Variants in ZNF474 observed in about 807,000 individuals in gnomAD.
ZNF474 encodes the protein zinc finger protein 474, also known as 4933409D10Rik.
For synonymous variants in ZNF474, 192 were observed against 162.2 expected, an observed-to-expected ratio of 1.18 and a Z score of -1.39; for missense variants, 511 against 433.8, an observed-to-expected ratio of 1.18 and a Z score of -1.58.
At chr5:122,134,582 A>C (rs1446694110) in intron 1 of ZNF474, among the ~76,000 whole-genome samples, 2 of 152,242 alleles carry the variant, frequency 1.3e-5, no homozygotes, top group African/African-American at 4.8e-5. Flanking sequence ...ACATGGCTGT[A>C]TTTCAATAAA....
At position 122,152,800 on chromosome 5, in the gene ZNF474, G is replaced by T. The variant is rs764546936; in HGVS notation, c.810G>T (p.Pro270=). The T allele has an allele frequency of 3.7e-6, 6 of 1,613,998 alleles. No individual in the cohort carries two copies. Among genetic ancestry groups the T allele is most frequent in the Non-Finnish European group, 5.1e-6 (6 of 1,180,014 alleles). The change falls in exon 2 of 2, where the codon CCG becomes CCT. Residue 270 remains proline, a synonymous_variant. Transcript: ENST00000296600. ...TCCCACAGAAGCCTCAGCCCCTTCC[G>T]AATGCACAGTCCAGCCAAGCGGGAC... is the stretch of plus-strand genomic sequence containing the variant. ...QPLPQKPQPL[P]NAQSSQAGPN... is the part of the protein sequence containing the mutation.
intron 1 of ZNF474, among the ~76,000 whole-genome samples, chr5:122,136,455 G>GC (rs993999274): frequency 2.6e-5 from 4 of 152,124 alleles, no homozygotes; most frequent in African/African-American, 4.8e-5. Flanking sequence ...GTTAGGCAGT[G>GC]CCCCCAGCAC....
In ZNF474 at chr5:122,138,611, C is replaced by T. The variant is rs1461021297; in HGVS notation, c.-213+8928C>T. On this transcript the variant is annotated intron_variant, in intron 1 of 1. Transcript: ENST00000296600. ...AGCCAACAATTGTCCTTATTAGTAC[C>T]ATATGACCTAGTTACAATCCAGCAT... 2.0e-5 allele frequency among the ~76,000 whole-genome samples: 3 copies of T among 152,330 alleles called. No individual in the cohort carries two copies. The South Asian group carries it at 6.2e-4, about 32-fold the overall frequency.
intron 1 of ZNF474, among the ~76,000 whole-genome samples, chr5:122,149,269 A>G (rs1445213308): frequency 6.6e-6 from 1 of 152,152 alleles, no homozygotes; most frequent in Non-Finnish European, 1.5e-5. Context: ...AAACCTGCAC[A>G]TGTACCCCGA....
intron 1 of ZNF474, among the ~76,000 whole-genome samples, chr5:122,143,778 C>A (rs1236476186): frequency 6.6e-6 from 1 of 152,078 alleles, no homozygotes; most frequent in Admixed American, 6.6e-5. Flanking sequence ...TTTTAATTGG[C>A]TGATTATTTC....
chr5:122,146,188 G>A (rs757269810), intron 1 of ZNF474, among the ~76,000 whole-genome samples: 2 of 152,192 alleles, frequency 1.3e-5, no homozygotes, highest in Non-Finnish European at 2.9e-5. Context: ...CACAGAGCCA[G>A]CTTGCAAAGC....
At chr5:122,144,132 A>T (rs1036064564) in intron 1 of ZNF474, among the ~76,000 whole-genome samples, 1 of 151,762 alleles carries the variant, frequency 6.6e-6, no homozygotes, top group African/African-American at 2.4e-5. Flanking sequence ...CTTGGATTTT[A>T]CCCTCCCTCC....
Position 122,153,147 on chromosome 5 carries a change from A to G in ZNF474, c.*62A>G, listed in dbSNP as rs1003844685. The G allele has an allele frequency of 3.2e-6, 5 of 1,538,494 alleles. No individual in the cohort carries two copies. In the African/African-American group the frequency reaches 4.1e-5, roughly 13 times the overall value. On this transcript the variant is annotated 3_prime_UTR_variant, in exon 2 of 2. Transcript: ENST00000296600. ...TCAGCCCCTAGTATTTTTTCTATCA[A>G]TGCCTTGTATCAGCCTCAAAGCAGC...
intron 1 of ZNF474, among the ~76,000 whole-genome samples, chr5:122,132,124 A>G (rs1266959057): frequency 6.6e-6 from 1 of 152,118 alleles, no homozygotes; most frequent in Non-Finnish European, 1.5e-5. Context: ...TTTCGGCAGC[A>G]CATTATTCAA....
chr5:122,150,223 C>T (rs1756128838), intron 1 of ZNF474, among the ~76,000 whole-genome samples: 1 of 152,120 alleles, frequency 6.6e-6, no homozygotes, highest in South Asian at 2.1e-4. Context: ...TTAGATGGTA[C>T]TGATCGAGTG....
At chr5:122,133,208 C>G (rs2152603018) in intron 1 of ZNF474, among the ~76,000 whole-genome samples, 1 of 152,300 alleles carries the variant, frequency 6.6e-6, no homozygotes, top group African/African-American at 2.4e-5. Context: ...TATTGGGCAT[C>G]TACTATATTC....
chr5:122,149,346 G>A (rs1756100932), intron 1 of ZNF474, among the ~76,000 whole-genome samples: 1 of 152,132 alleles, frequency 6.6e-6, no homozygotes, highest in African/African-American at 2.4e-5. Flanking sequence ...GTGTTCCATA[G>A]CCCCAGTCTC....
At chr5:122,132,721 T>G (rs1219604114) in intron 1 of ZNF474, among the ~76,000 whole-genome samples, 1 of 152,194 alleles carries the variant, frequency 6.6e-6, no homozygotes, top group Non-Finnish European at 1.5e-5. Flanking sequence ...GTTGTTCCAC[T>G]CTCATTTGTT....
chr5:122,146,204 T>C (rs1364662589), intron 1 of ZNF474, among the ~76,000 whole-genome samples: 1 of 152,176 alleles, frequency 6.6e-6, no homozygotes, highest in Non-Finnish European at 1.5e-5. Flanking sequence ...AAAGCAGAAA[T>C]GGGCTGTGCA....
rs1299454000 is a variant in ZNF474, at chr5:122,152,319, C to T, written c.329C>T (p.Ala110Val). ...CGAGAATTTGGGTCCCAGTCAATTG[C>T]CATTCATGAACCCCAGTGCTTGCAG... The part of the protein sequence containing the change: ...CGREFGSQSI[A>V]IHEPQCLQKW... The change falls in exon 2 of 2, where the codon GCC (alanine) becomes GTC (valine). Residue 110 changes from alanine to valine, a missense_variant. Coordinates refer to ENST00000296600, the MANE Select transcript of ZNF474 (RefSeq NM_207317.3). 3 of 1,614,072 alleles carry T rather than the reference C, an allele frequency of 1.9e-6. No homozygotes were observed. The highest frequency in any genetic ancestry group is 2.7e-5 in the African/African-American group (2 of 74,920).
At chr5:122,134,040 G>A (rs989876038) in intron 1 of ZNF474, among the ~76,000 whole-genome samples, 1 of 152,096 alleles carries the variant, frequency 6.6e-6, no homozygotes, top group Non-Finnish European at 1.5e-5. Context: ...AGGATTATAT[G>A]CAATTCCAGA....
At chr5:122,144,374 G>A (rs1755930346) in intron 1 of ZNF474, among the ~76,000 whole-genome samples, 1 of 152,192 alleles carries the variant, frequency 6.6e-6, no homozygotes, top group South Asian at 2.1e-4. Flanking sequence ...TCCGGCTAGT[G>A]AGAAGCATTG....
intron 1 of ZNF474, chr5:122,148,068 C>G (rs747533354): frequency 2.0e-5 from 3 of 152,172 alleles, no homozygotes; most frequent in Admixed American, 6.5e-5. Context: ...TGCTTTATGA[C>G]GTTTTGGGTG....
intron 1 of ZNF474, among the ~76,000 whole-genome samples, chr5:122,137,044 G>C (rs973053492): frequency 1.3e-5 from 2 of 152,128 alleles, no homozygotes; most frequent in Non-Finnish European, 2.9e-5. Context: ...AAACATAGGT[G>C]CTGAGTGCTG....
Sources: gnomAD v4.1 joint callset for allele counts (sites outside exome capture counted in the v4.1 genomes callset) on GRCh38, gnomAD v4.1.1 for gene constraint, MANE v1.5 for transcripts, NCBI Gene and HGNC (gene_info 2026-07-23, HGNC 2026-07-21) for gene names.